The following L3MBTL4 variants were observed in gnomAD, a reference collection of about 807,000 sequenced individuals.
L3MBTL4 encodes lethal(3)malignant brain tumor-like protein 4.
Under a neutral mutation model 84.5 loss-of-function variants are expected in L3MBTL4, and 70 were observed. The observed-to-expected ratio is 0.83, with a 90% confidence interval of 0.68 to 1.01. The LOEUF (loss-of-function observed/expected upper bound fraction) is 1.01, where lower values mean the gene tolerates loss of function less well. L3MBTL4 is among the 50% of genes least tolerant of loss of function. The pLI, the probability that L3MBTL4 is intolerant of heterozygous loss-of-function variation, is 0.00. For synonymous variants in L3MBTL4, 274 were observed against 259.8 expected, an observed-to-expected ratio of 1.05 and a Z score of -0.52; for missense variants, 715 against 754.8, an observed-to-expected ratio of 0.95 and a Z score of 0.62.
intron 1 of L3MBTL4, among the ~76,000 whole-genome samples, chr18:6,391,267 T>A (rs563803160): frequency 6.6e-5 from 10 of 152,138 alleles, no homozygotes; most frequent in Non-Finnish European, 1.3e-4. Flanking sequence ...AGAAAAAGCA[T>A]TTTATAAAAT....
In L3MBTL4 at chr18:6,152,431, C is replaced by A. The variant is rs73381946; in HGVS notation, c.1097-14135G>T. On this transcript the variant is annotated intron_variant, in intron 13 of 18. Transcript: ENST00000317931. Reference sequence around the variant, plus strand: ...GTCTTTTTGATAACAATCATCCTAACAGGTGTTAGGTGATATCTCACTGTA... The same window carrying A: ...GTCTTTTTGATAACAATCATCCTAAAAGGTGTTAGGTGATATCTCACTGTA... 4.6e-3 allele frequency among the ~76,000 whole-genome samples: 706 copies of A among 152,246 alleles called. 3 individuals carry two copies. The highest frequency in any genetic ancestry group is 0.016 in the African/African-American group (683 of 41,548).
chr18:6,255,865 C>T (rs1226542231), intron 5 of L3MBTL4, among the ~76,000 whole-genome samples: 1 of 151,710 alleles, frequency 6.6e-6, no homozygotes, highest in Non-Finnish European at 1.5e-5. Context: ...AATTTGGTTC[C>T]AAGCATATCA....
rs528405366 is a variant in L3MBTL4 at position 6,299,430 on chromosome 18, G to A, written c.127+2473C>T. Reference sequence around the variant, plus strand: ...AATGTAGAAAGAACATAAAGGTAAAGTGAAATGAGCACAGGCTTTAGAACT... The same window carrying A: ...AATGTAGAAAGAACATAAAGGTAAAATGAAATGAGCACAGGCTTTAGAACT... On this transcript the variant is annotated intron_variant, in intron 4 of 18. Coordinates refer to ENST00000317931, the MANE Select transcript of L3MBTL4 (RefSeq NM_001330559.2). Among the ~76,000 whole-genome samples, 12 of 152,336 alleles carry A rather than the reference G, an allele frequency of 7.9e-5. No homozygotes were observed. The East Asian group carries it at 2.3e-3, about 29-fold the overall frequency.
At chr18:6,013,911 G>T (rs2145416883) in intron 16 of L3MBTL4, among the ~76,000 whole-genome samples, 1 of 152,260 alleles carries the variant, frequency 6.6e-6, no homozygotes, top group South Asian at 2.1e-4. Context: ...TTGGTACCAG[G>T]TCTTTCCTGG....
intron 13 of L3MBTL4, among the ~76,000 whole-genome samples, chr18:6,150,945 G>C (rs903392007): frequency 6.6e-6 from 1 of 152,174 alleles, no homozygotes; most frequent in South Asian, 2.1e-4. Context: ...GCCTTAGTGA[G>C]TGTCTCAGTG....
intron 10 of L3MBTL4, 118 bp downstream of exon 10, chr18:6,237,846 G>C: frequency 6.5e-6 from 5 of 772,652 alleles, no homozygotes; most frequent in South Asian, 4.5e-5. Flanking sequence ...ATCTCACATA[G>C]TGTTTTTATC....
chr18:6,358,394 A>G (rs2053538083), intron 1 of L3MBTL4, among the ~76,000 whole-genome samples: 1 of 151,922 alleles, frequency 6.6e-6, no homozygotes, highest in Admixed American at 6.6e-5. Context: ...GAGCTCACAC[A>G]CTCCAGGGCT....
At chr18:6,209,445 C>CAAAAAAAAAAAAAAAAAA (rs60613997) in intron 12 of L3MBTL4, among the ~76,000 whole-genome samples, 1 of 113,996 alleles carries the variant, frequency 8.8e-6, no homozygotes, top group African/African-American at 3.1e-5. Context: ...ACTAAACTGG[C>CAAAAAAAAAAAAAAAAAA]AAAAAAAAAA....
chr18:6,108,883 T>C (rs1405313416), intron 14 of L3MBTL4, among the ~76,000 whole-genome samples: 5 of 152,216 alleles, frequency 3.3e-5, no homozygotes, highest in Non-Finnish European at 5.9e-5. Context: ...ACAAGGAATC[T>C]AGAGATGATT....
At chr18:6,407,066 C>T (rs1023958076) in intron 1 of L3MBTL4, among the ~76,000 whole-genome samples, 2 of 152,354 alleles carry the variant, frequency 1.3e-5, no homozygotes, top group African/African-American at 4.8e-5. Context: ...CTTTACTCCA[C>T]AGTGATGGGC....
intron 8 of L3MBTL4, 113 bp downstream of exon 8, chr18:6,241,244 GT>G: frequency 2.9e-6 from 2 of 686,134 alleles, no homozygotes; most frequent in Non-Finnish European, 5.1e-6. Context: ...GTGACAGGAA[GT>G]TAACAGTTTC....
chr18:6,398,135 C>T (rs1204460761), intron 1 of L3MBTL4: 5 of 152,138 alleles, frequency 3.3e-5, no homozygotes, highest in Admixed American at 3.3e-4. Context: ...GTGACGGGCA[C>T]CACTGCACTC....
intron 1 of L3MBTL4, among the ~76,000 whole-genome samples, chr18:6,325,285 C>A (rs575720344): frequency 1.3e-5 from 2 of 152,084 alleles, no homozygotes; most frequent in Non-Finnish European, 2.9e-5. Context: ...AAATCAACTG[C>A]GACTACATAT....
At chr18:5,969,957 GATGTGTATGTACACAAAGAATAAT>G (rs1169602929) in intron 16 of L3MBTL4, among the ~76,000 whole-genome samples, 1 of 152,238 alleles carries the variant, frequency 6.6e-6, no homozygotes, top group Non-Finnish European at 1.5e-5. Context: ...AACCATCTGG[GATGTGTATGTACACAAAGAATAAT>G]TTCTTCCTGG....
At chr18:6,054,066 G>A (rs1299289045) in intron 16 of L3MBTL4, among the ~76,000 whole-genome samples, 1 of 152,150 alleles carries the variant, frequency 6.6e-6, no homozygotes, top group Non-Finnish European at 1.5e-5. Flanking sequence ...GGGAGATAGA[G>A]GCTCTCAATG....
chr18:6,168,658 C>T (rs868829462), intron 13 of L3MBTL4, among the ~76,000 whole-genome samples: 2 of 151,952 alleles, frequency 1.3e-5, no homozygotes, highest in Non-Finnish European at 2.9e-5. Context: ...CTTCCTTACA[C>T]CTTATACAAA....
intron 14 of L3MBTL4, among the ~76,000 whole-genome samples, chr18:6,132,256 TA>T (rs747236213): frequency 2.0e-5 from 3 of 152,248 alleles, no homozygotes; most frequent in African/African-American, 7.2e-5. Context: ...CTCCCCTTTA[TA>T]AAACGCAAGG....
intron 1 of L3MBTL4, among the ~76,000 whole-genome samples, chr18:6,351,591 G>A (rs987892435): frequency 1.6e-4 from 24 of 151,156 alleles, no homozygotes; most frequent in African/African-American, 5.8e-4. Flanking sequence ...TCGCTCTGTC[G>A]CCCAGGCTGG....
chr18:6,067,395 C>T (rs8084616), intron 16 of L3MBTL4, among the ~76,000 whole-genome samples: 1 of 152,176 alleles, frequency 6.6e-6, no homozygotes, highest in African/African-American at 2.4e-5. Context: ...AATAAGTTGT[C>T]TAAACATTTA....
Sources: gnomAD v4.1 joint callset for allele counts (sites outside exome capture counted in the v4.1 genomes callset) on GRCh38, gnomAD v4.1.1 for gene constraint, MANE v1.5 for transcripts, NCBI Gene and HGNC (gene_info 2026-07-23, HGNC 2026-07-21) for gene names.